Variants in FAR1 observed in about 807,000 individuals in gnomAD.
FAR1 encodes male sterility domain-containing protein 2.
FAR1 carries 22 observed loss-of-function variants against 61.1 expected under a neutral mutation model. The ratio of observed to expected loss-of-function variants is 0.36; its 90% CI spans 0.26 to 0.51. FAR1 has a LOEUF of 0.51. Among genes scored for constraint, FAR1 ranks in the 20% least tolerant of loss-of-function variants. The pLI is 0.95. For missense variants in FAR1, 359 were observed against 626.9 expected, an observed-to-expected ratio of 0.57 and a Z score of 4.56; for synonymous variants, 206 against 209.7, an observed-to-expected ratio of 0.98 and a Z score of 0.15.
In FAR1 at chr11:13,727,519, G is replaced by A. The variant is rs778709005; in HGVS notation, c.1258-37G>A. On this transcript the variant is annotated intron_variant, in intron 10 of 11. Transcript: ENST00000354817. ...TTCTGACTGGTTGTGAGAAAAATTA[G>A]TCAAGAAAATAATCAGTAATTTTTT... The A allele has an allele frequency of 7.7e-6, 12 of 1,557,302 alleles. 1 individual carries two copies. The South Asian group carries it at 1.3e-4, about 17-fold the overall frequency.
rs1319002032 is a variant in FAR1 at position 13,721,814 on chromosome 11, G to A, written c.1212G>A (p.Glu404=). Residue 404 remains glutamate (E), a synonymous_variant, in exon 10 of 12, where the codon GAG becomes GAA. Transcript: ENST00000354817. The surrounding 1 kb of genome is among the most constrained non-coding windows in gnomAD (Gnocchi z 4.2). ...FTSNSWVWNT[E]NVNMLMNQLN... ...GTAATTCTTGGGTTTGGAATACTGA[G>A]AATGTCAATATGTTAATGAATCAAC... 6.2e-7 allele frequency: 1 copy of A among 1,610,542 alleles called. No homozygotes were observed.
At chr11:13,722,886 T>C (rs1279865152) in intron 10 of FAR1, among the ~76,000 whole-genome samples, 1 of 151,070 alleles carries the variant, frequency 6.6e-6, no homozygotes, top group Admixed American at 6.6e-5. Flanking sequence ...ATAAAATATG[T>C]ATATATGTAT....
chr11:13,692,596 G>C (rs535751559), intron 1 of FAR1, among the ~76,000 whole-genome samples: 1 of 151,930 alleles, frequency 6.6e-6, no homozygotes, highest in South Asian at 2.1e-4. Context: ...GTATAATTTT[G>C]AGTTTAAAAT....
chr11:13,689,496 T>C (rs1848224471), intron 1 of FAR1, among the ~76,000 whole-genome samples: 1 of 152,252 alleles, frequency 6.6e-6, no homozygotes, highest in South Asian at 2.1e-4. Context: ...TTTATTGTTT[T>C]TAAATATTTC....
In FAR1 at chr11:13,696,398, T is replaced by G. The variant is rs184637592; in HGVS notation, c.189+1444T>G. ...GAGGGAGTGATAGACGTGTCAGGAG[T>G]AGATAGGAACAGATATTTAAGCTGA... On this transcript the variant is annotated intron_variant, in intron 2 of 11. Coordinates refer to ENST00000354817, the MANE Select transcript of FAR1 (RefSeq NM_032228.6). 1.4e-3 allele frequency among the ~76,000 whole-genome samples: 219 copies of G among 151,690 alleles called. 1 individual carries two copies. The highest frequency in any genetic ancestry group is 5.1e-3 in the African/African-American group (211 of 41,318).
chr11:13,710,871 G>A lies in FAR1; in HGVS notation c.723+1G>A, dbSNP rs777595479. ...TGCCAGTTGGAAAGAACCTTTTCCA[G>A]TAAGTTGTTAGAAACCTTTATAAAT... On this transcript the variant is annotated splice_donor_variant, in intron 5 of 11. Transcript: ENST00000354817. LOFTEE classifies it high-confidence loss of function. The A allele has an allele frequency of 6.2e-7, 1 of 1,608,794 alleles. No homozygotes were observed. The highest frequency in any genetic ancestry group is 1.1e-5 in the South Asian group (1 of 89,904).
intron 1 of FAR1, among the ~76,000 whole-genome samples, chr11:13,680,149 G>A (rs1008339634): frequency 6.6e-6 from 1 of 151,920 alleles, no homozygotes; most frequent in Non-Finnish European, 1.5e-5. Context: ...CTTAATTTTT[G>A]AAAAAGGAAA....
At chr11:13,701,206 A>G (rs771401065) in intron 3 of FAR1, among the ~76,000 whole-genome samples, 2 of 151,904 alleles carry the variant, frequency 1.3e-5, no homozygotes, top group Non-Finnish European at 2.9e-5. Flanking sequence ...GACTTGGTAT[A>G]GGTTTCAAAG....
chr11:13,711,062 T>C (rs1848493544), intron 5 of FAR1, 192 bp downstream of exon 5: 1 of 527,064 alleles, frequency 1.9e-6, no homozygotes, highest in Non-Finnish European at 3.3e-6. Context: ...GCTGGGTATA[T>C]AGAAATGTAG....
At position 13,687,051 on chromosome 11, in the gene FAR1, A is replaced by C. The variant is rs571938121; in HGVS notation, c.-7-7708A>C. On this transcript the variant is annotated intron_variant, in intron 1 of 11. Transcript: ENST00000354817. ...AGAGTTTGGACTTGAACTCCTAGCAAGTAAATATATCTTAAGTAGCTTTGT... is the reference window on the plus strand; with the variant it reads ...AGAGTTTGGACTTGAACTCCTAGCACGTAAATATATCTTAAGTAGCTTTGT... Among the ~76,000 whole-genome samples, 8 of 152,338 alleles carry C rather than the reference A, an allele frequency of 5.3e-5. No homozygotes were observed. In the East Asian group the frequency reaches 1.5e-3, roughly 29 times the overall value.
In FAR1 at chr11:13,729,522, A is replaced by G. The variant is rs1046769376; in HGVS notation, c.*748A>G. On this transcript the variant is annotated 3_prime_UTR_variant, in exon 12 of 12. Transcript: ENST00000354817. ...AATTCCGTAAAACTGTTAGTATCAA[A>G]AAGAATAGGAATACAGTTTTCTTTT... is the stretch of plus-strand genomic sequence containing the variant. 2 of 152,000 alleles carry G rather than the reference A, an allele frequency of 1.3e-5. No homozygotes were observed. The highest frequency in any genetic ancestry group is 2.4e-5 in the African/African-American group (1 of 41,440). The allele number at this position is 152,000 out of a possible 1,614,324, so 9.4% of individuals were successfully genotyped here.
chr11:13,728,624 A>G lies in FAR1; in HGVS notation c.1398A>G (p.Ile466Met). The G allele has an allele frequency of 1.2e-6, 2 of 1,611,458 alleles. No homozygotes were observed. Among genetic ancestry groups the G allele is most frequent in the Non-Finnish European group, 1.7e-6 (2 of 1,178,166 alleles). ...ATTTGCTTTCCAGGTTGCGGAATAT[A>G]CGTTATGGTTTTAATACTATCCTTG... ...ARKHLNKLRN[I>M]RYGFNTILVI... Residue 466 changes from isoleucine (I) to methionine (M), a missense_variant, in exon 12 of 12, where the codon ATA becomes ATG. By Grantham distance (10) the Ile-to-Met change is conservative. Around this residue, in one of 2 missense-constraint regions of FAR1, gnomAD observed 344 missense variants for 570.3 expected, o/e 0.60. Transcript: ENST00000354817.
chr11:13,717,345 C>G (rs561864061), intron 9 of FAR1, among the ~76,000 whole-genome samples: 1 of 152,092 alleles, frequency 6.6e-6, no homozygotes, highest in African/African-American at 2.4e-5. Flanking sequence ...TGCCCATACG[C>G]CCATCATAAA....
chr11:13,723,411 TTC>T (rs1399174367), intron 10 of FAR1: 1 of 410,006 alleles, frequency 2.4e-6, no homozygotes, highest in Non-Finnish European at 4.7e-6. Flanking sequence ...TTTATTTATA[TTC>T]TGTCTTACAT....
chr11:13,669,437 C>G (rs1472883955), intron 1 of FAR1: 1 of 152,204 alleles, frequency 6.6e-6, no homozygotes, highest in Non-Finnish European at 1.5e-5. Flanking sequence ...CTACTGAAAC[C>G]GGAAGGTGGC....
intron 9 of FAR1, chr11:13,715,814 T>C (rs1181065125): frequency 6.6e-6 from 1 of 152,138 alleles, no homozygotes; most frequent in Non-Finnish European, 1.5e-5. Flanking sequence ...AGTCGTTGAT[T>C]GGAGAGTTCA....
Position 13,713,037 on chromosome 11 carries a change from T to C in FAR1, c.955+4T>C. The C allele has an allele frequency of 6.2e-7, 1 of 1,610,162 alleles. No individual in the cohort carries two copies. The highest frequency in any genetic ancestry group is 1.7e-5 in the Admixed American group (1 of 59,998). ...CCTTTCCACTGGGGTGAAGTTGGTA[T>C]GATTTTACCTGTGTTTTTGAATGTT... is the stretch of plus-strand genomic sequence containing the variant. On this transcript the variant is annotated splice_donor_region_variant and intron_variant, in intron 8 of 11. Coordinates refer to ENST00000354817, the MANE Select transcript of FAR1 (RefSeq NM_032228.6).
intron 9 of FAR1, among the ~76,000 whole-genome samples, chr11:13,718,732 A>G (rs2134197171): frequency 6.6e-6 from 1 of 152,288 alleles, no homozygotes; most frequent in African/African-American, 2.4e-5. Context: ...CAGGAATTCT[A>G]GAAGGGTTAG....
chr11:13,697,920 G>A (rs1242607946), intron 2 of FAR1, among the ~76,000 whole-genome samples: 1 of 152,098 alleles, frequency 6.6e-6, no homozygotes, highest in Non-Finnish European at 1.5e-5. Context: ...TATGTGAGAT[G>A]AATGGATGTC....
Sources: gnomAD v4.1 joint callset for allele counts (sites outside exome capture counted in the v4.1 genomes callset) on GRCh38, gnomAD v4.1.1 for gene constraint, gnomAD v4.1.1 regional missense constraint, Gnocchi (gnomAD v3.1) non-coding constraint, MANE v1.5 for transcripts, NCBI Gene and HGNC (gene_info 2026-07-23, HGNC 2026-07-21) for gene names.